KCNN3: variants seen among roughly 807,000 people sequenced by gnomAD.
KCNN3 encodes the protein small conductance calcium-activated potassium channel protein 3.
KCNN3 carries 16 observed loss-of-function variants against 62.9 expected under a neutral mutation model. The observed-to-expected ratio is 0.25, with a 90% CI of 0.17 to 0.39. KCNN3 has a LOEUF of 0.39. Among genes scored for constraint, KCNN3 ranks in the 10% least tolerant of loss-of-function variants. The pLI is 1.00. For missense variants in KCNN3, 599 were observed against 949.4 expected (o/e 0.63, Z 4.85); for synonymous variants, 370 against 389.2 (o/e 0.95, Z 0.58).
intron 2 of KCNN3, among the ~76,000 whole-genome samples, chr1:154,773,175 CT>C (rs1648644655): frequency 6.6e-6 from 1 of 152,152 alleles, no homozygotes; most frequent in Admixed American, 6.5e-5. Context: ...ACTCTCCACC[CT>C]CAGTGTCTGT....
intron 2 of KCNN3, among the ~76,000 whole-genome samples, chr1:154,797,970 G>A (rs1270447156): frequency 4.6e-5 from 7 of 152,152 alleles, no homozygotes; most frequent in African/African-American, 1.7e-4. Flanking sequence ...GGCTCTAATT[G>A]TCTTGGATCC....
At chr1:154,762,662 G>A (rs1313509847) in intron 3 of KCNN3, among the ~76,000 whole-genome samples, 7 of 152,150 alleles carry the variant, frequency 4.6e-5, no homozygotes, top group Non-Finnish European at 1.0e-4. Context: ...TTGTGTGTAT[G>A]ATGTAATCAA....
At chr1:154,795,531 C>G (rs1402925019) in intron 2 of KCNN3, among the ~76,000 whole-genome samples, 1 of 152,208 alleles carries the variant, frequency 6.6e-6, no homozygotes, top group African/African-American at 2.4e-5. Flanking sequence ...CCCTGAGCCA[C>G]CCTTCTGTCA....
intron 2 of KCNN3, among the ~76,000 whole-genome samples, chr1:154,795,516 A>T (rs912608841): frequency 6.6e-6 from 1 of 152,218 alleles, no homozygotes; most frequent in Non-Finnish European, 1.5e-5. Flanking sequence ...GCTGTGCCAC[A>T]CATTCCCTGA....
chr1:154,713,322 T>C, intron 7 of KCNN3, 142 bp downstream of exon 7: 1 of 691,788 alleles, frequency 1.4e-6, no homozygotes, highest in East Asian at 2.7e-5. Flanking sequence ...TGAGCCTAGG[T>C]ATTTTTGAAC....
chr1:154,704,838 G>A lies in KCNN3; in HGVS notation c.*3138C>T, dbSNP rs1229063087. The A allele has an allele frequency of 1.3e-5, 2 of 150,306 alleles. No homozygotes were observed. The highest frequency in any genetic ancestry group is 6.6e-5 in the Admixed American group (1 of 15,054). The allele number at this position is 150,306 out of a possible 1,614,324, so 9.3% of individuals were successfully genotyped here. A position where few individuals can be genotyped will look rare whatever the true frequency, so the allele number is the denominator to read the frequency against. On this transcript the variant is annotated 3_prime_UTR_variant, in exon 8 of 8. Coordinates refer to ENST00000271915, the MANE Select transcript of KCNN3 (RefSeq NM_002249.6). ...CACCCAAGCTGGAGTGCAATGGCAC[G>A]ATCTTGGCTCACTGCAACCTCCACT...
chr1:154,851,958 G>C (rs1652316821), intron 1 of KCNN3, among the ~76,000 whole-genome samples: 1 of 152,160 alleles, frequency 6.6e-6, no homozygotes, highest in Admixed American at 6.5e-5. Context: ...CGCCTCCCCT[G>C]TGACCTCACA....
At chr1:154,717,550 A>ATTT (rs199765246) in intron 5 of KCNN3, among the ~76,000 whole-genome samples, 13 of 147,858 alleles carry the variant, frequency 8.8e-5, no homozygotes, top group African/African-American at 2.5e-4. Context: ...AGAGCACTGG[A>ATTT]TTTTTTTTTT....
chr1:154,698,931 C>G lies in KCNN3; in HGVS notation c.*9045G>C, dbSNP rs372765280. On this transcript the variant is annotated 3_prime_UTR_variant, in exon 8 of 8. Coordinates refer to ENST00000271915, the MANE Select transcript of KCNN3 (RefSeq NM_002249.6). ...CACACAGAGCATGTGAAGACCGGGCCCTTCTGATGCTGATGTGTGGAGAAA... is the reference window on the plus strand; with the variant it reads ...CACACAGAGCATGTGAAGACCGGGCGCTTCTGATGCTGATGTGTGGAGAAA... The G allele has an allele frequency of 6.6e-6, 1 of 152,150 alleles. No homozygotes were observed. The highest frequency in any genetic ancestry group is 1.5e-5 in the Non-Finnish European group (1 of 68,030). 9.4% of individuals were successfully genotyped at this position (152,150 alleles called of 1,614,324 possible).
intron 3 of KCNN3, among the ~76,000 whole-genome samples, chr1:154,733,456 C>T (rs1700643070): frequency 6.6e-6 from 1 of 152,150 alleles, no homozygotes; most frequent in African/African-American, 2.4e-5. Flanking sequence ...TGAAATCATG[C>T]AGTAATAAAA....
rs753558886 is a variant in KCNN3 at position 154,706,080 on chromosome 1, G to C, written c.*1896C>G. The C allele has an allele frequency of 6.6e-6, 1 of 152,190 alleles. No individual in the cohort carries two copies. Among genetic ancestry groups the C allele is most frequent in the Non-Finnish European group, 1.5e-5 (1 of 68,018 alleles). The allele number at this position is 152,190 out of a possible 1,614,324, so 9.4% of individuals were successfully genotyped here. On this transcript the variant is annotated 3_prime_UTR_variant, in exon 8 of 8. Coordinates refer to ENST00000271915, the MANE Select transcript of KCNN3 (RefSeq NM_002249.6). ...CTGGTATGCAAAACAACTAATGAAA[G>C]TGTTCAAAGGAATTATCAAGGCAGG... is the stretch of plus-strand genomic sequence containing the variant.
rs575897919 is a variant in KCNN3, at chr1:154,726,569, G to A, written c.1591-543C>T. Among the ~76,000 whole-genome samples the A allele has an allele frequency of 8.5e-5, 13 of 152,356 alleles. No individual in the cohort carries two copies. In the East Asian group the frequency reaches 2.5e-3, roughly 29 times the overall value. ...GAGGCAATACCTTTCCCCAGGGCTT[G>A]TTTCACAGAGGGCACCCAGGTTGGC... is the stretch of plus-strand genomic sequence containing the variant. On this transcript the variant is annotated intron_variant, in intron 4 of 7. Transcript: ENST00000271915.
chr1:154,720,663 T>C, intron 5 of KCNN3, among the ~76,000 whole-genome samples: 1 of 152,214 alleles, frequency 6.6e-6, no homozygotes, highest in East Asian at 1.9e-4. Context: ...CAGGAGATAG[T>C]AGGTGGGGAA....
chr1:154,794,144 A>G (rs1649631597), intron 2 of KCNN3, among the ~76,000 whole-genome samples: 1 of 152,126 alleles, frequency 6.6e-6, no homozygotes, highest in Non-Finnish European at 1.5e-5. Flanking sequence ...CCTTCACTCT[A>G]TGTCAAGTTA....
intron 2 of KCNN3, among the ~76,000 whole-genome samples, chr1:154,774,366 G>A (rs576480170): frequency 6.6e-6 from 1 of 152,288 alleles, no homozygotes; most frequent in South Asian, 2.1e-4. Context: ...TTTGTCTTCC[G>A]GTAAGTCCCA....
chr1:154,737,843 GC>G (rs1325821252), intron 3 of KCNN3, among the ~76,000 whole-genome samples: 2 of 152,178 alleles, frequency 1.3e-5, no homozygotes, highest in Non-Finnish European at 2.9e-5. Flanking sequence ...GATTGCTCGT[GC>G]CCAGGAGGTT....
intron 2 of KCNN3, among the ~76,000 whole-genome samples, chr1:154,779,142 CAGA>C (rs1648919242): frequency 6.6e-6 from 1 of 152,136 alleles, no homozygotes; most frequent in Non-Finnish European, 1.5e-5. Context: ...GTGAGACCAG[CAGA>C]AGAACCACCA....
At chr1:154,866,306 C>T (rs547394886) in intron 1 of KCNN3, among the ~76,000 whole-genome samples, 1 of 152,326 alleles carries the variant, frequency 6.6e-6, no homozygotes, top group African/African-American at 2.4e-5. Flanking sequence ...ATCTCCTTTC[C>T]TCTCATCATT....
In KCNN3 at chr1:154,702,770, A is replaced by C. The variant is rs1029982122; in HGVS notation, c.*5206T>G. ...ATATGTACTTTTTCTTTTTGGCTAT[A>C]AATGTCAACATCTCTTTGGGATCCT... is the stretch of plus-strand genomic sequence containing the variant. On this transcript the variant is annotated 3_prime_UTR_variant, in exon 8 of 8. Transcript: ENST00000271915. 2.0e-4 allele frequency: 28 copies of C among 138,618 alleles called. No individual in the cohort carries two copies. The highest frequency in any genetic ancestry group is 2.8e-4 in the Non-Finnish European group (18 of 64,950). 8.6% of individuals were successfully genotyped at this position (138,618 alleles called of 1,614,324 possible). A position where few individuals can be genotyped will look rare whatever the true frequency, so the allele number is the denominator to read the frequency against.
Sources: gnomAD v4.1 joint callset for allele counts (sites outside exome capture counted in the v4.1 genomes callset) on GRCh38, gnomAD v4.1.1 for gene constraint, MANE v1.5 for transcripts, NCBI Gene and HGNC (gene_info 2026-07-23, HGNC 2026-07-21) for gene names.